Variants in MTF1 observed in about 807,000 individuals in gnomAD.
MTF1 encodes the protein metal regulatory transcription factor 1.
In MTF1, 22 loss-of-function variants were observed where a neutral mutation model predicts 70.4. That is an observed-to-expected ratio of 0.31 (90% CI 0.22 to 0.45). The LOEUF is 0.45. MTF1 is among the 20% of genes least tolerant of loss of function. The pLI is 1.00. For synonymous variants in MTF1, 333 were observed against 352.8 expected (o/e 0.94, Z 0.63); for missense variants, 649 against 922.0 (o/e 0.70, Z 3.83).
At position 37,811,494 on chromosome 1, in the gene MTF1, A is replaced by ATG. The variant is rs1640734856; in HGVS notation, c.*3640_*3641dup. 1 of 152,652 alleles carries ATG rather than the reference A, an allele frequency of 6.6e-6. No individual in the cohort carries two copies. The highest frequency in any genetic ancestry group is 2.4e-5 in the African/African-American group (1 of 41,472). 9.5% of individuals were successfully genotyped at this position (152,652 alleles called of 1,614,324 possible). The stretch of plus-strand genomic sequence containing the variant: ...ATAAAACTTTGTGGAAAGTATATAT[A>ATG]TGTATATATACACACAAAAGAAATT... On this transcript the variant is annotated 3_prime_UTR_variant, in exon 11 of 11. Coordinates refer to ENST00000373036, the MANE Select transcript of MTF1 (RefSeq NM_005955.3).
intron 2 of MTF1, among the ~76,000 whole-genome samples, chr1:37,850,958 GA>G (rs919860553): frequency 1.3e-4 from 19 of 151,336 alleles, no homozygotes; most frequent in Non-Finnish European, 2.5e-4. Context: ...AAACCAAGCT[GA>G]AAAAAAACGA....
chr1:37,859,553 G>A lies in MTF1; in HGVS notation c.-74C>T, dbSNP rs1024236036. 8 of 398,920 alleles carry A rather than the reference G, an allele frequency of 2.0e-5. No homozygotes were observed. The highest frequency in any genetic ancestry group is 3.1e-5 in the Non-Finnish European group (7 of 226,428). 24.7% of individuals were successfully genotyped at this position (398,920 alleles called of 1,614,324 possible). A position where few individuals can be genotyped will look rare whatever the true frequency, so the allele number is the denominator to read the frequency against. Reference sequence around the variant, plus strand: ...TACCTCCGCGGCTCCCGGCAACGGCGGCAGCAGCAGCTTCTCCCCTCCCCA... The same window carrying A: ...TACCTCCGCGGCTCCCGGCAACGGCAGCAGCAGCAGCTTCTCCCCTCCCCA... On this transcript the variant is annotated 5_prime_UTR_variant, in exon 1 of 11. Coordinates refer to ENST00000373036, the MANE Select transcript of MTF1 (RefSeq NM_005955.3).
intron 2 of MTF1, among the ~76,000 whole-genome samples, chr1:37,848,791 C>T (rs372290955): frequency 1.3e-5 from 2 of 152,182 alleles, no homozygotes; most frequent in African/African-American, 4.8e-5. Flanking sequence ...CTCACACTTA[C>T]AAGCCATCAG....
intron 3 of MTF1, among the ~76,000 whole-genome samples, 184 bp from the exon 4 acceptor site, chr1:37,838,940 G>T (rs1024540940): frequency 6.6e-6 from 1 of 151,556 alleles, no homozygotes. Flanking sequence ...AAGTAGATGG[G>T]ATTATGGGAG....
At chr1:37,830,934 T>C (rs927406953) in intron 7 of MTF1, among the ~76,000 whole-genome samples, 3 of 152,324 alleles carry the variant, frequency 2.0e-5, no homozygotes, top group Middle Eastern at 3.4e-3. Context: ...GCCTTCACTT[T>C]CCAGGTGCTG....
At chr1:37,832,803 G>A (rs893296877) in intron 6 of MTF1, among the ~76,000 whole-genome samples, 1 of 151,974 alleles carries the variant, frequency 6.6e-6, no homozygotes, top group Admixed American at 6.6e-5. Flanking sequence ...TCAGGAATTC[G>A]AGACCAGCCT....
intron 8 of MTF1, among the ~76,000 whole-genome samples, chr1:37,822,922 G>A (rs1267053152): frequency 6.6e-6 from 1 of 152,142 alleles, no homozygotes; most frequent in Non-Finnish European, 1.5e-5. Context: ...CTTCCTAAAT[G>A]TGAAGACCCA....
At chr1:37,853,528 T>C (rs1641447718) in intron 2 of MTF1, among the ~76,000 whole-genome samples, 1 of 152,192 alleles carries the variant, frequency 6.6e-6, no homozygotes, top group Non-Finnish European at 1.5e-5. Flanking sequence ...AAGCCCAGAA[T>C]ATTTACTATT....
intron 7 of MTF1, among the ~76,000 whole-genome samples, chr1:37,828,005 TATATTC>T: frequency 6.6e-6 from 1 of 152,178 alleles, no homozygotes; most frequent in Non-Finnish European, 1.5e-5. Context: ...CAAATATTGG[TATATTC>T]ATTTAGTGTA....
rs578190230 is a variant in MTF1, at chr1:37,847,790, G to T, written c.409-7632C>A. ...GTGGGAGGCTCACTTGAGCCCAGAAGTTCGAGACCAGCATGGGCAACATAG... is the reference window on the plus strand; with the variant it reads ...GTGGGAGGCTCACTTGAGCCCAGAATTTCGAGACCAGCATGGGCAACATAG... On this transcript the variant is annotated intron_variant, in intron 2 of 10. Coordinates refer to ENST00000373036, the MANE Select transcript of MTF1 (RefSeq NM_005955.3). Among the ~76,000 whole-genome samples the T allele has an allele frequency of 2.0e-5, 3 of 152,238 alleles. No individual in the cohort carries two copies. In the South Asian group the frequency reaches 6.2e-4, roughly 32 times the overall value.
At chr1:37,841,765 C>G (rs2148415506) in intron 2 of MTF1, 1 of 152,564 alleles carries the variant, frequency 6.6e-6, no homozygotes, top group South Asian at 2.1e-4. Context: ...TGCGGTGGCT[C>G]ATGCTTGTAA....
chr1:37,838,603 A>G, intron 4 of MTF1, 22 bp downstream of exon 4: 1 of 1,599,466 alleles, frequency 6.3e-7, no homozygotes, highest in South Asian at 1.1e-5. Context: ...GTCAGTGACA[A>G]ATAGAAAACA....
chr1:37,817,695 G>A (rs1640840884), intron 9 of MTF1, among the ~76,000 whole-genome samples: 1 of 152,100 alleles, frequency 6.6e-6, no homozygotes, highest in Non-Finnish European at 1.5e-5. Flanking sequence ...AGCTTTGTAC[G>A]CCACTAGTTG....
At position 37,812,687 on chromosome 1, in the gene MTF1, C is replaced by G. The variant is rs959694494; in HGVS notation, c.*2449G>C. 1 of 152,184 alleles carries G rather than the reference C, an allele frequency of 6.6e-6. No homozygotes were observed. Among genetic ancestry groups the G allele is most frequent in the African/African-American group, 2.4e-5 (1 of 41,440 alleles). The allele number at this position is 152,184 out of a possible 1,614,324, so 9.4% of individuals were successfully genotyped here. On this transcript the variant is annotated 3_prime_UTR_variant, in exon 11 of 11. Coordinates refer to ENST00000373036, the MANE Select transcript of MTF1 (RefSeq NM_005955.3). The stretch of plus-strand genomic sequence containing the variant: ...TGGGCTCCTATTTCCCACTTCCGCC[C>G]CAGGGAACCCAAATCCCAGGTGACC...
intron 7 of MTF1, chr1:37,826,523 C>A: frequency 2.2e-6 from 1 of 451,876 alleles, no homozygotes; most frequent in South Asian, 1.6e-5. Flanking sequence ...TGGCCTCAAG[C>A]AGTCTTCCCA....
chr1:37,841,639 G>C (rs752076336), intron 2 of MTF1: 1 of 170,460 alleles, frequency 5.9e-6, no homozygotes, highest in Non-Finnish European at 1.3e-5. Context: ...CCACACCAGA[G>C]TCTCTGTGCA....
intron 4 of MTF1, 55 bp downstream of exon 4, chr1:37,838,570 T>C: frequency 1.3e-6 from 2 of 1,529,754 alleles, no homozygotes; most frequent in Non-Finnish European, 8.9e-7. Flanking sequence ...CCAGAGTATA[T>C]CAAGACCCCC....
rs546012505 is a variant in MTF1, at chr1:37,813,175, G to T, written c.*1961C>A. 19 of 152,372 alleles carry T rather than the reference G, an allele frequency of 1.2e-4. No individual in the cohort carries two copies. Among genetic ancestry groups the T allele is most frequent in the Admixed American group, 1.0e-3 (16 of 15,304 alleles). The allele number at this position is 152,372 out of a possible 1,614,324, so 9.4% of individuals were successfully genotyped here. A position where few individuals can be genotyped will look rare whatever the true frequency, so the allele number is the denominator to read the frequency against. On this transcript the variant is annotated 3_prime_UTR_variant, in exon 11 of 11. Coordinates refer to ENST00000373036, the MANE Select transcript of MTF1 (RefSeq NM_005955.3). ...CATGCCTGTAATCCCAGCTACTCGG[G>T]AGGCTGAGGCAGAATTGCTTGAACC...
intron 1 of MTF1, chr1:37,858,674 T>C (rs574780257): frequency 1.3e-5 from 2 of 152,356 alleles, no homozygotes; most frequent in African/African-American, 4.8e-5. Flanking sequence ...GCTCCTAGCA[T>C]AGTACACTGA....
Sources: allele counts gnomAD v4.1 joint callset (sites outside exome capture counted in the v4.1 genomes callset), GRCh38; gene constraint gnomAD v4.1.1; transcripts MANE v1.5; gene names NCBI Gene and HGNC (gene_info 2026-07-23, HGNC 2026-07-21).